MACROD2: variants seen among roughly 807,000 people sequenced by gnomAD.
The protein encoded by MACROD2 is mono-ADP ribosylhydrolase 2, also known as ADP-ribose glycohydrolase MACROD2.
Under a neutral mutation model 70.4 loss-of-function variants are expected in MACROD2, and 36 were observed. The ratio of observed to expected loss-of-function variants is 0.51; its 90% confidence interval spans 0.39 to 0.68. The LOEUF (loss-of-function observed/expected upper bound fraction) is 0.68, where lower values mean the gene tolerates loss of function less well. MACROD2 is among the 30% of genes least tolerant of loss of function. The probability of loss-of-function intolerance (pLI) is 0.00; values close to 1 mark genes in which losing one functional copy is unlikely to be tolerated. For synonymous variants in MACROD2, 172 were observed against 178.8 expected (o/e 0.96, Z 0.30); for missense variants, 496 against 538.4 (o/e 0.92, Z 0.78).
chr20:14,238,301 CAT>C (rs2081896102), intron 3 of MACROD2, among the ~76,000 whole-genome samples: 1 of 152,094 alleles, frequency 6.6e-6, no homozygotes, highest in Non-Finnish European at 1.5e-5. Context: ...GAAAAAAACA[CAT>C]GATTATATTA....
At chr20:14,742,592 A>G (rs1466438099) in intron 5 of MACROD2, among the ~76,000 whole-genome samples, 1 of 151,278 alleles carries the variant, frequency 6.6e-6, no homozygotes, top group Non-Finnish European at 1.5e-5. Flanking sequence ...TTTTTTTAAT[A>G]AGGGTTAAAA....
At chr20:14,752,083 CTT>C (rs11482637) in intron 5 of MACROD2, among the ~76,000 whole-genome samples, 9 of 126,826 alleles carry the variant, frequency 7.1e-5, no homozygotes, top group Middle Eastern at 4.3e-3. Context: ...ATCTCCTCAT[CTT>C]TTTTTTTTTT....
chr20:15,618,095 C>CTTTT (rs398035424), intron 8 of MACROD2, among the ~76,000 whole-genome samples: 723 of 70,616 alleles, frequency 0.01, 17 homozygotes, highest in Non-Finnish European at 0.016. Context: ...CATCATTAGT[C>CTTTT]TTTTTTTTTT....
At chr20:14,206,125 T>C (rs2081521050) in intron 3 of MACROD2, among the ~76,000 whole-genome samples, 1 of 152,202 alleles carries the variant, frequency 6.6e-6, no homozygotes, top group Non-Finnish European at 1.5e-5. Context: ...TGTATGCTAT[T>C]GACATTCAGT....
At chr20:14,208,789 G>C (rs1220730788) in intron 3 of MACROD2, among the ~76,000 whole-genome samples, 1 of 152,160 alleles carries the variant, frequency 6.6e-6, no homozygotes, top group Non-Finnish European at 1.5e-5. Context: ...GGTGGTATGA[G>C]CCTCAAAAAG....
chr20:15,779,866 T>C (rs978524461), intron 8 of MACROD2, among the ~76,000 whole-genome samples: 3 of 152,148 alleles, frequency 2.0e-5, no homozygotes, highest in Non-Finnish European at 4.4e-5. Context: ...AAGACATCTC[T>C]AGTTGTGTTG....
intron 6 of MACROD2, among the ~76,000 whole-genome samples, chr20:15,381,848 T>A (rs144696176): frequency 9.9e-5 from 15 of 152,148 alleles, no homozygotes; most frequent in African/African-American, 3.6e-4. Context: ...TGAATTTAGA[T>A]CCTCTAAAAG....
chr20:15,724,938 C>T (rs556655578), intron 8 of MACROD2, among the ~76,000 whole-genome samples: 2 of 152,086 alleles, frequency 1.3e-5, no homozygotes, highest in East Asian at 1.9e-4. Context: ...AAAAATTAGC[C>T]GGGTATGGTG....
intron 3 of MACROD2, among the ~76,000 whole-genome samples, chr20:14,230,410 A>G (rs1241927464): frequency 2.0e-5 from 3 of 151,982 alleles, no homozygotes; most frequent in African/African-American, 7.3e-5. Context: ...TTCCATCTCA[A>G]GAAACCACTT....
Position 15,439,420 on chromosome 20 carries a change from T to G in MACROD2, c.571+7985T>G, listed in dbSNP as rs2046467102. ...TTTTATAACAGGATAATTTCAAGAGTGAGCATACCCATTTCCTGGAAACTC... is the reference window on the plus strand; with the variant it reads ...TTTTATAACAGGATAATTTCAAGAGGGAGCATACCCATTTCCTGGAAACTC... On this transcript the variant is annotated intron_variant, in intron 7 of 17. Coordinates refer to ENST00000684519, the MANE Select transcript of MACROD2 (RefSeq NM_001351661.2). Among the ~76,000 whole-genome samples the G allele has an allele frequency of 2.0e-5, 3 of 152,158 alleles. No homozygotes were observed. The South Asian group carries it at 6.2e-4, about 32-fold the overall frequency.
At chr20:14,033,523 C>T (rs960652638) in intron 2 of MACROD2, among the ~76,000 whole-genome samples, 2 of 152,068 alleles carry the variant, frequency 1.3e-5, no homozygotes, top group African/African-American at 4.8e-5. Flanking sequence ...TTAAAACATC[C>T]TGTTGGGTTT....
At chr20:15,566,178 C>T (rs2048307485) in intron 8 of MACROD2, among the ~76,000 whole-genome samples, 3 of 151,884 alleles carry the variant, frequency 2.0e-5, no homozygotes, top group Admixed American at 6.6e-5. Flanking sequence ...TTAGTGAAAC[C>T]CCATTAGAAA....
chr20:14,019,978 T>C (rs1232498615), intron 2 of MACROD2, among the ~76,000 whole-genome samples: 4 of 152,142 alleles, frequency 2.6e-5, no homozygotes, highest in African/African-American at 9.7e-5. Context: ...TTGGGGAGGC[T>C]ATTATCATTT....
chr20:15,101,860 G>A (rs2075875660), intron 5 of MACROD2, among the ~76,000 whole-genome samples: 1 of 151,806 alleles, frequency 6.6e-6, no homozygotes, highest in African/African-American at 2.4e-5. Flanking sequence ...TTAGTCTTTG[G>A]TTTTTTCCCT....
At chr20:14,368,551 A>C (rs113876187) in intron 3 of MACROD2, among the ~76,000 whole-genome samples, 63 of 151,998 alleles carry the variant, frequency 4.1e-4, no homozygotes, top group African/African-American at 1.3e-3. Context: ...TCAAAAAAAA[A>C]ACACACACAC....
intron 5 of MACROD2, among the ~76,000 whole-genome samples, chr20:14,914,014 C>G (rs1166334399): frequency 6.6e-6 from 1 of 152,186 alleles, no homozygotes; most frequent in Non-Finnish European, 1.5e-5. Flanking sequence ...ACCGCATACT[C>G]TAAGCAATTT....
chr20:15,340,183 G>C (rs1297271887), intron 6 of MACROD2, among the ~76,000 whole-genome samples: 4 of 123,764 alleles, frequency 3.2e-5, no homozygotes, highest in Non-Finnish European at 6.3e-5. Flanking sequence ...CTGTCACCCA[G>C]GCTGGAGTGC....
intron 2 of MACROD2, 106 bp downstream of exon 2, chr20:14,002,510 T>C: frequency 1.5e-6 from 1 of 655,006 alleles, no homozygotes; most frequent in Non-Finnish European, 2.6e-6. Flanking sequence ...TATTTTGCTA[T>C]TTGAAATTAT....
chr20:14,861,323 C>T (rs187244968), intron 5 of MACROD2, among the ~76,000 whole-genome samples: 4 of 152,212 alleles, frequency 2.6e-5, no homozygotes, highest in Admixed American at 2.6e-4. Flanking sequence ...TCAGTCTTGT[C>T]TACTCATTGG....
Sources: allele counts gnomAD v4.1 joint callset (sites outside exome capture counted in the v4.1 genomes callset), GRCh38; gene constraint gnomAD v4.1.1; transcripts MANE v1.5; gene names NCBI Gene and HGNC (gene_info 2026-07-23, HGNC 2026-07-21).